Variants in NEURL4 observed in about 807,000 individuals in gnomAD.
NEURL4 encodes neuralized-like protein 4.
NEURL4 carries 45 observed loss-of-function variants against 148.0 expected under a neutral mutation model. That is an observed-to-expected ratio of 0.30 (90% CI 0.24 to 0.39). The LOEUF is 0.39. NEURL4 is among the 10% of genes least tolerant of loss of function. The pLI, the probability that NEURL4 is intolerant of heterozygous loss-of-function variation, is 1.00. For synonymous variants in NEURL4, 854 were observed against 869.0 expected (o/e 0.98, Z 0.30); for missense variants, 1,776 against 2,144.0 (o/e 0.83, Z 3.39).
In NEURL4 at chr17:7,322,797, A is replaced by G. The variant is rs769027708; in HGVS notation, c.2663T>C (p.Met888Thr). ...GTTGCTGGTCGCCAGGCTGTTGTCC[A>G]TGGGGCCGGTGGCATTGGTGATGGA... ...QVSITNATGP[M>T]DNSLATSNTA... The change falls in exon 16 of 29, where the codon ATG becomes ACG. Residue 888 changes from methionine to threonine, a missense_variant. By Grantham distance (81) the Met-to-Thr change is moderately conservative. Coordinates refer to ENST00000399464, the MANE Select transcript of NEURL4 (RefSeq NM_032442.3). This position sits in a 1 kb window ranked among gnomAD's most constrained non-coding sequence, Gnocchi z 5.5. 7 of 1,614,042 alleles carry G rather than the reference A, an allele frequency of 4.3e-6. No homozygotes were observed. In the South Asian group the frequency reaches 4.4e-5, roughly 10 times the overall value.
At position 7,322,934 on chromosome 17, in the gene NEURL4, A is replaced by C; in HGVS notation, c.2593+14T>G. On this transcript the variant is annotated intron_variant, in intron 15 of 28. Coordinates refer to ENST00000399464, the MANE Select transcript of NEURL4 (RefSeq NM_032442.3). The surrounding 1 kb of genome is among the most constrained non-coding windows in gnomAD (Gnocchi z 5.5). ...TCTGGGCTGAGGGTGGCAGGCTGAA[A>C]GCCACATAGTCACCTTTACCCGGAG... The C allele has an allele frequency of 6.2e-7, 1 of 1,611,500 alleles. No individual in the cohort carries two copies. Among genetic ancestry groups the C allele is most frequent in the Non-Finnish European group, 8.5e-7 (1 of 1,177,894 alleles).
rs2073063008 is a variant in NEURL4, at chr17:7,323,795, T to A, written c.2261+19A>T. ...GCTGGGCAGGAGGAAGGTGGGGACA[T>A]GAAAGTTGAGAGACTGACCGGTTGG... is the stretch of plus-strand genomic sequence containing the variant. On this transcript the variant is annotated intron_variant, in intron 12 of 28. Transcript: ENST00000399464. 1.2e-6 allele frequency: 2 copies of A among 1,613,986 alleles called. No individual in the cohort carries two copies. Among genetic ancestry groups the A allele is most frequent in the East Asian group, 4.5e-5 (2 of 44,868 alleles).
rs780484520 is a variant in NEURL4, at chr17:7,327,975, G to A, written c.283-91C>T. 1.5e-4 allele frequency: 158 copies of A among 1,030,076 alleles called. 1 individual carries two copies. Among genetic ancestry groups the A allele is most frequent in the Non-Finnish European group, 2.1e-4 (154 of 721,970 alleles). The allele number at this position is 1,030,076 out of a possible 1,614,324, so 63.8% of individuals were successfully genotyped here. On this transcript the variant is annotated intron_variant, in intron 1 of 28. Transcript: ENST00000399464. This position sits in a 1 kb window ranked among gnomAD's most constrained non-coding sequence, Gnocchi z 6.6. ...TTCCCACCTCTCAGACAGCTAGCTGGCTTTCTGTCTCTTGGAACACTAATC... is the reference window on the plus strand; with the variant it reads ...TTCCCACCTCTCAGACAGCTAGCTGACTTTCTGTCTCTTGGAACACTAATC...
chr17:7,317,703 T>A, intron 26 of NEURL4, 85 bp downstream of exon 26: 1 of 1,581,806 alleles, frequency 6.3e-7, no homozygotes, highest in South Asian at 1.1e-5. Flanking sequence ...GGAAGTTCTA[T>A]TACTTCTTCC....
At chr17:7,328,079 C>T (rs1236071881) in intron 1 of NEURL4, among the ~76,000 whole-genome samples, 195 bp from the exon 2 acceptor site, 2 of 152,220 alleles carry the variant, frequency 1.3e-5, no homozygotes, top group African/African-American at 4.8e-5. Flanking sequence ...GCTCTCTACT[C>T]AGTGTTTACT....
In NEURL4 at chr17:7,326,839, C is replaced by T; in HGVS notation, c.964G>A (p.Glu322Lys). ...AGTTTGATGAGGGTCCCGCACTTTTCATGAAAGAGCAGGGCATCGTTGGAA... is the reference window on the plus strand; with the variant it reads ...AGTTTGATGAGGGTCCCGCACTTTTTATGAAAGAGCAGGGCATCGTTGGAA... ...LTSNDALLFH[E>K]KCGTLIKLSN... The change falls in exon 4 of 29, where the codon GAA (glutamate) becomes AAA (lysine). Residue 322 changes from glutamate (E) to lysine (K), a missense_variant. Physicochemically the swap from Glu to Lys is moderately conservative, Grantham distance 56 (BLOSUM62 1). Coordinates refer to ENST00000399464, the MANE Select transcript of NEURL4 (RefSeq NM_032442.3). This position sits in a 1 kb window ranked among gnomAD's most constrained non-coding sequence, Gnocchi z 6.0. 6.2e-7 allele frequency: 1 copy of T among 1,613,796 alleles called. No homozygotes were observed. The highest frequency in any genetic ancestry group is 1.3e-5 in the African/African-American group (1 of 75,002).
At position 7,316,005 on chromosome 17, in the gene NEURL4, C is replaced by A. The variant is rs1326395350; in HGVS notation, c.*118G>T. 7 of 704,226 alleles carry A rather than the reference C, an allele frequency of 9.9e-6. No individual in the cohort carries two copies. The highest frequency in any genetic ancestry group is 1.8e-5 in the Non-Finnish European group (7 of 382,448). The allele number at this position is 704,226 out of a possible 1,614,324, so 43.6% of individuals were successfully genotyped here. A position where few individuals can be genotyped will look rare whatever the true frequency, so the allele number is the denominator to read the frequency against. On this transcript the variant is annotated 3_prime_UTR_variant, in exon 29 of 29. Coordinates refer to ENST00000399464, the MANE Select transcript of NEURL4 (RefSeq NM_032442.3). The stretch of plus-strand genomic sequence containing the variant: ...AGCCTGCCTACATGCTCCTGCGCGG[C>A]TGCCAAGCTCCAGCACCTGCGCATG...
In NEURL4 at chr17:7,327,386, T is replaced by C; in HGVS notation, c.727+54A>G. 6.8e-7 allele frequency: 1 copy of C among 1,479,518 alleles called. No individual in the cohort carries two copies. The highest frequency in any genetic ancestry group is 9.1e-7 in the Non-Finnish European group (1 of 1,093,086). The allele number at this position is 1,479,518 out of a possible 1,614,324, so 91.6% of individuals were successfully genotyped here. A position where few individuals can be genotyped will look rare whatever the true frequency, so the allele number is the denominator to read the frequency against. On this transcript the variant is annotated intron_variant, in intron 2 of 28. Transcript: ENST00000399464. This position sits in a 1 kb window ranked among gnomAD's most constrained non-coding sequence, Gnocchi z 6.6. Reference sequence around the variant, plus strand: ...CCACACCCAGCCTGTCTTGTCACTCTATTTCCCCCATTCCGTCCCCACCCC... The same window carrying C: ...CCACACCCAGCCTGTCTTGTCACTCCATTTCCCCCATTCCGTCCCCACCCC...
chr17:7,321,555 T>C lies in NEURL4; in HGVS notation c.3099+5A>G. The C allele has an allele frequency of 6.2e-7, 1 of 1,613,922 alleles. No homozygotes were observed. Among genetic ancestry groups the C allele is most frequent in the African/African-American group, 1.3e-5 (1 of 75,024 alleles). On this transcript the variant is annotated splice_donor_5th_base_variant and intron_variant, in intron 18 of 28. Transcript: ENST00000399464. The surrounding 1 kb of genome is among the most constrained non-coding windows in gnomAD (Gnocchi z 6.3). The stretch of plus-strand genomic sequence containing the variant: ...CTCCCCTGTCCCTGGAGCCAGCCAC[T>C]TCACCCCCAGCCTCTCTAGGTTCCG...
At chr17:7,319,955 G>C (rs1488387085) in intron 21 of NEURL4, among the ~76,000 whole-genome samples, 1 of 151,530 alleles carries the variant, frequency 6.6e-6, no homozygotes, top group African/African-American at 2.4e-5. Flanking sequence ...TCAGCCTCCC[G>C]AGTAGCTGGG....
Position 7,315,727 on chromosome 17 carries a change from G to A in NEURL4, c.*396C>T, listed in dbSNP as rs1597627731. On this transcript the variant is annotated 3_prime_UTR_variant, in exon 29 of 29. Coordinates refer to ENST00000399464, the MANE Select transcript of NEURL4 (RefSeq NM_032442.3). ...CGTGCGCCCACCCTTCCCCACTCCC[G>A]CCCGGTGGCCCCGGAAAAAGCAGCT... 2.2e-6 allele frequency: 1 copy of A among 454,646 alleles called. No homozygotes were observed. Among genetic ancestry groups the A allele is most frequent in the Non-Finnish European group, 3.9e-6 (1 of 257,900 alleles). 28.2% of individuals were successfully genotyped at this position (454,646 alleles called of 1,614,324 possible).
chr17:7,318,341 G>A lies in NEURL4; in HGVS notation c.3880C>T (p.Pro1294Ser). ...TTCCCACTGGCAGCCCCTGGCTCAG[G>A]GTTCACGATTGTCACCTGCAGGGGA... ...GQCEQVTIVN[P>S]EPGAASGKSA... The change falls in exon 24 of 29, where the codon CCT becomes TCT. Residue 1294 changes from proline to serine, a missense_variant. Coordinates refer to ENST00000399464, the MANE Select transcript of NEURL4 (RefSeq NM_032442.3). The surrounding 1 kb of genome is among the most constrained non-coding windows in gnomAD (Gnocchi z 4.3). The A allele has an allele frequency of 6.2e-7, 1 of 1,614,056 alleles. No homozygotes were observed. Among genetic ancestry groups the A allele is most frequent in the African/African-American group, 1.3e-5 (1 of 74,988 alleles).
chr17:7,323,514 T>C lies in NEURL4; in HGVS notation c.2388A>G (p.Thr796=). The part of the protein sequence containing the change: ...PEDLEFPNTM[T]DIDYDTWMLS... ...GCATCCATGTGTCATAGTCAATGTC[T>C]GTCATGGTGTTGGGGAATTCCAGGT... is the stretch of plus-strand genomic sequence containing the variant. Residue 796 remains threonine (T), a synonymous_variant, in exon 14 of 29, where the codon ACA becomes ACG. Transcript: ENST00000399464. 1.2e-6 allele frequency: 2 copies of C among 1,614,238 alleles called. No individual in the cohort carries two copies. The highest frequency in any genetic ancestry group is 1.7e-6 in the Non-Finnish European group (2 of 1,180,046).
At chr17:7,325,815 C>G (rs2073097149) in intron 6 of NEURL4, 102 bp from the exon 7 acceptor site, 2 of 948,514 alleles carry the variant, frequency 2.1e-6, no homozygotes, top group Admixed American at 3.5e-5. Flanking sequence ...AGTCTCAGAC[C>G]ACCCTGGAGG....
chr17:7,321,123 GCTCCTCGCCCTCGTCATC>G lies in NEURL4; in HGVS notation c.3331_3348del (p.Asp1111_Glu1116del), dbSNP rs751085186. On this transcript the variant is annotated inframe_deletion, in exon 20 of 29. Transcript: ENST00000399464. The surrounding 1 kb of genome is among the most constrained non-coding windows in gnomAD (Gnocchi z 6.3). ...CTGCAGCCTCTTACTCCCAGGCCAT[GCTCCTCGCCCTCGTCATC>G]CTCCTCGCCCTCACTGCCGGTGTCT... 11 of 1,613,518 alleles carry G rather than the reference GCTCCTCGCCCTCGTCATC, an allele frequency of 6.8e-6. No individual in the cohort carries two copies. Among genetic ancestry groups the G allele is most frequent in the Non-Finnish European group, 9.3e-6 (11 of 1,179,924 alleles).
Position 7,322,050 on chromosome 17 carries a change from G to A in NEURL4, c.2726-40C>T. The A allele has an allele frequency of 7.1e-6, 11 of 1,553,112 alleles. No homozygotes were observed. The highest frequency in any genetic ancestry group is 9.5e-6 in the Non-Finnish European group (11 of 1,154,132). On this transcript the variant is annotated intron_variant, in intron 16 of 28. Transcript: ENST00000399464. The surrounding 1 kb of genome is among the most constrained non-coding windows in gnomAD (Gnocchi z 5.5). ...CACCAGTAGAAGGGGTAGGATTGGG[G>A]CAGCGAGCTTCAGGCAGAACACAGA...
At position 7,329,237 on chromosome 17, in the gene NEURL4, T is replaced by TGGG. The variant is rs2073143111; in HGVS notation, c.73_75dup (p.Pro25dup). 1.3e-6 allele frequency: 2 copies of TGGG among 1,508,338 alleles called. No homozygotes were observed. The highest frequency in any genetic ancestry group is 1.8e-6 in the Non-Finnish European group (2 of 1,135,068). 93.4% of individuals were successfully genotyped at this position (1,508,338 alleles called of 1,614,324 possible). Reference sequence around the variant, plus strand: ...GACCCCGGTCCTGAGCCGCTCCCGCTGGGGCCCCCACCCCCGCCCGGCCCC... The same window carrying TGGG: ...GACCCCGGTCCTGAGCCGCTCCCGCTGGGGGGGCCCCCACCCCCGCCCGGCCCC... On this transcript the variant is annotated inframe_insertion, in exon 1 of 29. Coordinates refer to ENST00000399464, the MANE Select transcript of NEURL4 (RefSeq NM_032442.3).
Position 7,327,772 on chromosome 17 carries a change from C to T in NEURL4, c.395G>A (p.Gly132Asp). 1 of 1,614,070 alleles carries T rather than the reference C, an allele frequency of 6.2e-7. No individual in the cohort carries two copies. Among genetic ancestry groups the T allele is most frequent in the Non-Finnish European group, 8.5e-7 (1 of 1,180,036 alleles). Reference sequence around the variant, plus strand: ...GCGTCCATCTCTCAGCACAGAGCAGCCCGACACTACCCACGAGCCCCCCTT... The same window carrying T: ...GCGTCCATCTCTCAGCACAGAGCAGTCCGACACTACCCACGAGCCCCCCTT... ...GLKGGSWVVS[G>D]CSVLRDGRSV... Residue 132 changes from glycine (G) to aspartate (D), a missense_variant, in exon 2 of 29, where the codon GGC becomes GAC. Physicochemically the swap from Gly to Asp is moderately conservative, Grantham distance 94 (BLOSUM62 -1). Transcript: ENST00000399464. This position sits in a 1 kb window ranked among gnomAD's most constrained non-coding sequence, Gnocchi z 6.6.
In NEURL4 at chr17:7,318,882, C is replaced by G. The variant is rs1178526808; in HGVS notation, c.3684+168G>C. The G allele has an allele frequency of 2.2e-6, 2 of 914,886 alleles. No homozygotes were observed. The highest frequency in any genetic ancestry group is 1.7e-5 in the African/African-American group (1 of 59,656). The allele number at this position is 914,886 out of a possible 1,614,324, so 56.7% of individuals were successfully genotyped here. ...ATGGCAGGGACACCGCAGGAAGCAG[C>G]AGGCCTAAGACTGACCAGGCAATGC... On this transcript the variant is annotated intron_variant, in intron 22 of 28. Coordinates refer to ENST00000399464, the MANE Select transcript of NEURL4 (RefSeq NM_032442.3). The surrounding 1 kb of genome is among the most constrained non-coding windows in gnomAD (Gnocchi z 4.3).
Sources: gnomAD v4.1 joint callset for allele counts (sites outside exome capture counted in the v4.1 genomes callset) on GRCh38, gnomAD v4.1.1 for gene constraint, Gnocchi (gnomAD v3.1) non-coding constraint, MANE v1.5 for transcripts, NCBI Gene and HGNC (gene_info 2026-07-23, HGNC 2026-07-21) for gene names.